SLC44A5: variants seen among roughly 807,000 people sequenced by gnomAD.
The protein encoded by SLC44A5 is solute carrier family 44 member 5, also known as choline transporter-like protein 5.
A neutral mutation model predicts 101.8 loss-of-function variants in SLC44A5; 57 were observed. The observed-to-expected ratio is 0.56, with a 90% CI of 0.45 to 0.70. The LOEUF is 0.70. Ranked by LOEUF, SLC44A5 falls within the 30% of genes least tolerant of loss-of-function variation. SLC44A5 has a pLI of 0.00. For synonymous variants in SLC44A5, 281 were observed against 290.9 expected (o/e 0.97, Z 0.35); for missense variants, 737 against 853.1 (o/e 0.86, Z 1.70).
At chr1:75,564,914 G>A (rs1249825841) in intron 1 of SLC44A5, among the ~76,000 whole-genome samples, 6 of 152,124 alleles carry the variant, frequency 3.9e-5, no homozygotes, top group African/African-American at 9.7e-5. Context: ...GAGCCACTGC[G>A]CCCGGCCTAT....
chr1:75,549,186 A>G (rs1367592529), intron 1 of SLC44A5, among the ~76,000 whole-genome samples: 1 of 152,146 alleles, frequency 6.6e-6, no homozygotes, highest in East Asian at 1.9e-4. Flanking sequence ...TCTTGAATAC[A>G]GTTTGGGTAA....
chr1:75,703,904 C>G, the SLC44A5 span, among the ~76,000 whole-genome samples: 2 of 151,932 alleles, frequency 1.3e-5, no homozygotes, highest in African/African-American at 4.8e-5. Flanking sequence ...AAAAAACCTC[C>G]AGGCCAAGCA....
intron 2 of SLC44A5, among the ~76,000 whole-genome samples, chr1:75,416,076 T>C (rs748480932): frequency 5.9e-5 from 9 of 152,180 alleles, no homozygotes; most frequent in South Asian, 4.1e-4. Flanking sequence ...GAGCTGAATG[T>C]TAATCCCCAA....
intron 12 of SLC44A5, among the ~76,000 whole-genome samples, chr1:75,230,267 A>G (rs1157002290): frequency 7.0e-6 from 1 of 141,932 alleles, no homozygotes; most frequent in African/African-American, 2.6e-5. Flanking sequence ...TTTTTTTTTG[A>G]GACAGAGTCT....
intron 3 of SLC44A5, among the ~76,000 whole-genome samples, chr1:75,376,273 A>T (rs1412184396): frequency 6.6e-6 from 1 of 152,228 alleles, no homozygotes; most frequent in Non-Finnish European, 1.5e-5. Flanking sequence ...GGCGCCCGCC[A>T]TTGCCCAGGC....
chr1:75,331,063 C>T (rs544962051), intron 4 of SLC44A5, among the ~76,000 whole-genome samples: 3 of 151,246 alleles, frequency 2.0e-5, no homozygotes, highest in African/African-American at 7.3e-5. Flanking sequence ...ATTCTTCCAC[C>T]TCTGCTTGAT....
chr1:75,407,177 G>T (rs527732625), intron 2 of SLC44A5, among the ~76,000 whole-genome samples: 1 of 152,054 alleles, frequency 6.6e-6, no homozygotes, highest in Non-Finnish European at 1.5e-5. Context: ...TCTTCAAAGA[G>T]AACTACAAAC....
At chr1:75,481,488 T>A (rs967225256) in intron 2 of SLC44A5, among the ~76,000 whole-genome samples, 3 of 151,426 alleles carry the variant, frequency 2.0e-5, no homozygotes, top group African/African-American at 7.3e-5. Context: ...TGGGAGAAAA[T>A]TTTCACAACC....
At chr1:75,343,109 T>C (rs184122961) in intron 3 of SLC44A5, among the ~76,000 whole-genome samples, 153 of 152,306 alleles carry the variant, frequency 1.0e-3, no homozygotes, top group Admixed American at 2.4e-3. Flanking sequence ...TTCGCTGTCA[T>C]GTGGCTTAGC....
At chr1:75,474,633 T>C (rs1247162012) in intron 2 of SLC44A5, among the ~76,000 whole-genome samples, 1 of 152,224 alleles carries the variant, frequency 6.6e-6, no homozygotes, top group African/African-American at 2.4e-5. Flanking sequence ...TCCAAGTTAA[T>C]TGGAAGTTTT....
intron 1 of SLC44A5, among the ~76,000 whole-genome samples, chr1:75,610,227 G>T (rs1570740567): frequency 6.7e-6 from 1 of 148,424 alleles, no homozygotes; most frequent in East Asian, 2.0e-4. Context: ...TCTCTCCATA[G>T]GTATATACAT....
chr1:75,563,956 T>C (rs770791648), intron 1 of SLC44A5, among the ~76,000 whole-genome samples: 1 of 152,168 alleles, frequency 6.6e-6, no homozygotes, highest in South Asian at 2.1e-4. Flanking sequence ...AACTGAATTA[T>C]ACTGTTGAAA....
the SLC44A5 span, among the ~76,000 whole-genome samples, chr1:75,697,774 G>T: frequency 4.5e-4 from 69 of 152,334 alleles, 2 homozygotes; most frequent in East Asian, 0.011. Flanking sequence ...CCAGAGAGTG[G>T]GCGCAGGTCA....
chr1:75,459,993 C>A (rs913203458), intron 2 of SLC44A5, among the ~76,000 whole-genome samples: 7 of 152,252 alleles, frequency 4.6e-5, no homozygotes, highest in African/African-American at 1.4e-4. Flanking sequence ...GGAAATAATT[C>A]TTGGAGAGTT....
chr1:75,616,809 G>A, the SLC44A5 span, among the ~76,000 whole-genome samples: 1 of 152,198 alleles, frequency 6.6e-6, no homozygotes, highest in Admixed American at 6.5e-5. Flanking sequence ...AATAGTGAGG[G>A]CCCAGGATAG....
Position 75,462,865 on chromosome 1 carries a change from T to A in SLC44A5, c.14-66244A>T, listed in dbSNP as rs191997456. 9.0e-3 allele frequency among the ~76,000 whole-genome samples: 1,363 copies of A among 152,076 alleles called. 15 individuals carry two copies. The highest frequency in any genetic ancestry group is 0.017 in the Middle Eastern group (5 of 294). On this transcript the variant is annotated intron_variant, in intron 2 of 23. Coordinates refer to ENST00000370859, the MANE Select transcript of SLC44A5 (RefSeq NM_001130058.2). ...GAGACAAAAGAAAACAGAATTTTTT[T>A]AAAAAAATGAAGCACACCTGCGATA...
intron 2 of SLC44A5, among the ~76,000 whole-genome samples, chr1:75,478,145 C>G (rs1667557336): frequency 6.6e-6 from 1 of 152,118 alleles, no homozygotes. Context: ...TCATATCCAG[C>G]CAAACTAAGC....
chr1:75,351,839 ACTT>A (rs1658684649), intron 3 of SLC44A5, among the ~76,000 whole-genome samples: 2 of 52,922 alleles, frequency 3.8e-5, no homozygotes, highest in Non-Finnish European at 8.1e-5. Flanking sequence ...TGAATAACAC[ACTT>A]TACCAAAAAA....
chr1:75,541,626 A>C (rs901600135), intron 1 of SLC44A5, 110 bp from the exon 2 acceptor site: 5 of 584,794 alleles, frequency 8.6e-6, no homozygotes, highest in Non-Finnish European at 1.4e-5. Flanking sequence ...TACTCTCCCC[A>C]AAAACTCAGA....
Sources: allele counts gnomAD v4.1 joint callset (sites outside exome capture counted in the v4.1 genomes callset), GRCh38; gene constraint gnomAD v4.1.1; transcripts MANE v1.5; gene names NCBI Gene and HGNC (gene_info 2026-07-23, HGNC 2026-07-21).